The following SEMA4B variants were observed in gnomAD, a reference collection of about 807,000 sequenced individuals.
SEMA4B encodes semaphorin 4B.
A neutral mutation model predicts 88.1 loss-of-function variants in SEMA4B; 55 were observed. The ratio of observed to expected loss-of-function variants is 0.62; its 90% CI spans 0.50 to 0.78. SEMA4B has a LOEUF of 0.78. SEMA4B is among the 30% of genes least tolerant of loss of function. SEMA4B has a pLI of 0.00. For synonymous variants in SEMA4B, 525 were observed against 473.6 expected, an observed-to-expected ratio of 1.11 and a Z score of -1.41; for missense variants, 1,062 against 1,111.9, an observed-to-expected ratio of 0.96 and a Z score of 0.64.
At chr15:90,217,644 C>G (rs1411097085) in intron 2 of SEMA4B, 42 bp downstream of exon 2, 1 of 1,609,062 alleles carries the variant, frequency 6.2e-7, no homozygotes, top group South Asian at 1.1e-5. Context: ...GGGCAGAGGA[C>G]CACAGAGGGA....
At chr15:90,186,372 C>G (rs1960166501) in intron 1 of SEMA4B, among the ~76,000 whole-genome samples, 1 of 152,022 alleles carries the variant, frequency 6.6e-6, no homozygotes, top group African/African-American at 2.4e-5. Flanking sequence ...GTAATCCCAG[C>G]ACTTTGGGAG....
At chr15:90,222,188 C>T (rs1197009478) in intron 7 of SEMA4B, among the ~76,000 whole-genome samples, 9 of 150,972 alleles carry the variant, frequency 6.0e-5, no homozygotes, top group African/African-American at 2.2e-4. Context: ...AATCCACCCA[C>T]CTCGGCTTCC....
intron 1 of SEMA4B, among the ~76,000 whole-genome samples, chr15:90,211,831 C>T (rs1255059644): frequency 1.3e-5 from 2 of 152,180 alleles, no homozygotes; most frequent in South Asian, 2.1e-4. Flanking sequence ...CCCACCGACT[C>T]CACAGGGAAG....
chr15:90,187,826 G>GGTCTCTACT (rs1181304524), intron 1 of SEMA4B, among the ~76,000 whole-genome samples: 1 of 152,062 alleles, frequency 6.6e-6, no homozygotes, highest in Admixed American at 6.6e-5. Context: ...CCAATATGGT[G>GGTCTCTACT]AAATCTTGTC....
chr15:90,193,447 A>G (rs1319437890), intron 1 of SEMA4B: 6 of 152,248 alleles, frequency 3.9e-5, no homozygotes, highest in African/African-American at 1.2e-4. Flanking sequence ...AGTTCCTACT[A>G]GAGTGCCATG....
At chr15:90,213,329 C>G (rs903322945) in intron 1 of SEMA4B, among the ~76,000 whole-genome samples, 1 of 152,224 alleles carries the variant, frequency 6.6e-6, no homozygotes, top group African/African-American at 2.4e-5. Flanking sequence ...GTCTGACTCT[C>G]AGGGCAGAGA....
Position 90,228,819 on chromosome 15 carries a change from A to T in SEMA4B, c.*176A>T. 1.2e-6 allele frequency: 1 copy of T among 807,546 alleles called. No individual in the cohort carries two copies. The highest frequency in any genetic ancestry group is 1.9e-6 in the Non-Finnish European group (1 of 527,182). The allele number at this position is 807,546 out of a possible 1,614,324, so 50.0% of individuals were successfully genotyped here. A position where few individuals can be genotyped will look rare whatever the true frequency, so the allele number is the denominator to read the frequency against. ...CCAGTCAAGTAGCGAAGCTCCTACC[A>T]CCCAGACACCCAAACAGCCGTGGCC... On this transcript the variant is annotated 3_prime_UTR_variant, in exon 14 of 14. Coordinates refer to ENST00000411539, the MANE Select transcript of SEMA4B (RefSeq NM_198925.4).
upstream of SEMA4B, among the ~76,000 whole-genome samples, chr15:90,198,051 T>G (rs996307828): frequency 6.6e-6 from 1 of 151,186 alleles, no homozygotes; most frequent in Admixed American, 6.6e-5. Context: ...CTCAGCCTCC[T>G]GAGTAGCTGG....
Position 90,225,817 on chromosome 15 carries a change from C to T in SEMA4B, c.1678C>T (p.Leu560=). The change falls in exon 12 of 14, where the codon CTG becomes TTG. Residue 560 remains leucine, a synonymous_variant. Coordinates refer to ENST00000411539, the MANE Select transcript of SEMA4B (RefSeq NM_198925.4). ...GCACGTCAGCCTCTACCAGCCTCAG[C>T]TGGCCACCAGGTGAGCACTCCCAAA... ...CKHVSLYQPQ[L]ATRPWIQDIE... 6.5e-7 allele frequency: 1 copy of T among 1,535,636 alleles called. No homozygotes were observed. The highest frequency in any genetic ancestry group is 8.8e-7 in the Non-Finnish European group (1 of 1,141,802).
At chr15:90,227,144 A>G (rs1212680346) in intron 12 of SEMA4B, 2 of 183,018 alleles carry the variant, frequency 1.1e-5, no homozygotes, top group Non-Finnish European at 2.3e-5. Flanking sequence ...CCTGGGCTCA[A>G]GCAATCGATC....
intron 1 of SEMA4B, among the ~76,000 whole-genome samples, chr15:90,209,409 A>C (rs1374961630): frequency 6.6e-6 from 1 of 151,964 alleles, no homozygotes; most frequent in Non-Finnish European, 1.5e-5. Flanking sequence ...ATATATATAT[A>C]CAAAAATTAG....
At chr15:90,199,488 TG>T (rs530106762), upstream of SEMA4B, among the ~76,000 whole-genome samples, 2 of 151,876 alleles carry the variant, frequency 1.3e-5, no homozygotes, top group Non-Finnish European at 2.9e-5. Context: ...GAGCTTAGTT[TG>T]GGACATGTTG....
chr15:90,214,205 A>C (rs1312596447), intron 1 of SEMA4B, among the ~76,000 whole-genome samples: 1 of 151,900 alleles, frequency 6.6e-6, no homozygotes. Flanking sequence ...TTAGCTGGGC[A>C]TGGTGGCAGG....
intron 1 of SEMA4B, among the ~76,000 whole-genome samples, chr15:90,210,476 GGAGGGTGGT>G (rs1961211294): frequency 6.6e-6 from 1 of 152,210 alleles, no homozygotes; most frequent in African/African-American, 2.4e-5. Context: ...GCCTGAGGCA[GGAGGGTGGT>G]CATCAACACA....
chr15:90,225,548 G>A (rs1962118943), intron 11 of SEMA4B, 113 bp from the exon 12 acceptor site: 11 of 1,345,684 alleles, frequency 8.2e-6, no homozygotes, highest in East Asian at 5.0e-5. Flanking sequence ...GGGGTCGCCT[G>A]TTACGTAACA....
chr15:90,217,284 C>A, intron 1 of SEMA4B, 155 bp from the exon 2 acceptor site: 1 of 627,606 alleles, frequency 1.6e-6, no homozygotes, highest in Non-Finnish European at 2.8e-6. Flanking sequence ...TGCTGCTCGC[C>A]CATCAAACCT....
intron 12 of SEMA4B, among the ~76,000 whole-genome samples, chr15:90,226,109 C>G (rs1231993333): frequency 1.3e-5 from 2 of 152,122 alleles, no homozygotes; most frequent in Non-Finnish European, 2.9e-5. Context: ...TGTGAACGTG[C>G]TTTAGTAATA....
In SEMA4B at chr15:90,201,632, G is replaced by A. The variant is rs1292985842; in HGVS notation, c.54G>A (p.Ala18=). ...GCTGGCTCGCCGCCCCATGGGGCGC[G>A]CTGCCGCCTCGGCCACCGCTGCTGC... is the stretch of plus-strand genomic sequence containing the variant. ...LRSWLAAPWG[A]LPPRPPLLLL... The change falls in exon 1 of 14, where the codon GCG becomes GCA. Residue 18 remains alanine, a synonymous_variant. Transcript: ENST00000411539. 2 of 1,516,700 alleles carry A rather than the reference G, an allele frequency of 1.3e-6. No individual in the cohort carries two copies. The highest frequency in any genetic ancestry group is 2.6e-5 in the East Asian group (1 of 38,208). The allele number at this position is 1,516,700 out of a possible 1,614,324, so 94.0% of individuals were successfully genotyped here.
chr15:90,225,842 A>AGGCCCCT lies in SEMA4B; in HGVS notation c.1688+16_1688+22dup. On this transcript the variant is annotated intron_variant, in intron 12 of 13. Transcript: ENST00000411539. ...CTGGCCACCAGGTGAGCACTCCCAA[A>AGGCCCCT]GGCCCCTTCCCATCTGTCCAGCCCT... The AGGCCCCT allele has an allele frequency of 6.7e-7, 1 of 1,503,524 alleles. No homozygotes were observed. Among genetic ancestry groups the AGGCCCCT allele is most frequent in the East Asian group, 2.4e-5 (1 of 41,756 alleles). The allele number at this position is 1,503,524 out of a possible 1,614,324, so 93.1% of individuals were successfully genotyped here.
Sources: gnomAD v4.1 joint callset for allele counts (sites outside exome capture counted in the v4.1 genomes callset) on GRCh38, gnomAD v4.1.1 for gene constraint, MANE v1.5 for transcripts, NCBI Gene and HGNC (gene_info 2026-07-23, HGNC 2026-07-21) for gene names.